The following UGT2B11 variants were observed in gnomAD, a reference collection of about 807,000 sequenced individuals.
UGT2B11 encodes UDP-glucuronosyltransferase 2B11.
A neutral mutation model predicts 51.7 loss-of-function variants in UGT2B11; 49 were observed. The ratio of observed to expected loss-of-function variants is 0.95; its 90% CI spans 0.75 to 1.20. The LOEUF (loss-of-function observed/expected upper bound fraction) is 1.20, where lower values mean the gene tolerates loss of function less well. UGT2B11 is among the 50% of genes most tolerant of loss of function. UGT2B11 has a pLI of 0.00. For missense variants in UGT2B11, 810 were observed against 622.1 expected, an observed-to-expected ratio of 1.30 and a Z score of -3.21; for synonymous variants, 273 against 209.0, an observed-to-expected ratio of 1.31 and a Z score of -2.64.
At chr4:69,213,947 C>T in intron 1 of UGT2B11, 55 bp downstream of exon 1, 2 of 1,499,696 alleles carry the variant, frequency 1.3e-6, no homozygotes, top group East Asian at 4.6e-5. Context: ...AAAAGCTCTG[C>T]TTCAAAGACA....
At chr4:69,211,623 C>T (rs757659733) in intron 2 of UGT2B11, among the ~76,000 whole-genome samples, 18 of 151,456 alleles carry the variant, frequency 1.2e-4, no homozygotes, top group Non-Finnish European at 2.4e-4. Flanking sequence ...ATTTTTTCCA[C>T]ACAACACAAT....
At position 69,214,454 on chromosome 4, in the gene UGT2B11, A is replaced by T. The variant is rs1449498875; in HGVS notation, c.269T>A (p.Ile90Asn). 2.5e-6 allele frequency: 4 copies of T among 1,613,144 alleles called. No individual in the cohort carries two copies. Among genetic ancestry groups the T allele is most frequent in the Non-Finnish European group, 3.4e-6 (4 of 1,179,514 alleles). ...SLTKTEFENI[I>N]MQQVKRWSDI... is the part of the protein sequence containing the mutation. ...TGACCATCTCTTAACCTGTTGCATG[A>T]TGATATTCTCAAATTCAGTTTTAGT... Residue 90 changes from isoleucine (I) to asparagine (N), a missense_variant, in exon 1 of 6, where the codon ATC becomes AAC. By Grantham distance (149) the Ile-to-Asn change is moderately radical. Coordinates refer to ENST00000446444, the MANE Select transcript of UGT2B11 (RefSeq NM_001073.3).
intron 2 of UGT2B11, among the ~76,000 whole-genome samples, chr4:69,210,277 A>T (rs1254208719): frequency 6.6e-6 from 1 of 151,618 alleles, no homozygotes; most frequent in African/African-American, 2.4e-5. Context: ...AATATTTTCC[A>T]TAAGGTTTAA....
intron 4 of UGT2B11, among the ~76,000 whole-genome samples, 175 bp from the exon 5 acceptor site, chr4:69,204,824 G>A (rs931588674): frequency 3.3e-5 from 5 of 151,732 alleles, no homozygotes; most frequent in South Asian, 2.1e-4. Flanking sequence ...TGAAAGCTAT[G>A]TGGTGTGTGT....
chr4:69,224,812 G>A, the UGT2B11 span, among the ~76,000 whole-genome samples: 14 of 151,614 alleles, frequency 9.2e-5, no homozygotes, highest in Admixed American at 8.5e-4. Flanking sequence ...CTTCCACAGC[G>A]TGGAAGGGGT....
At chr4:69,219,748 A>C (rs1254723798), upstream of UGT2B11, among the ~76,000 whole-genome samples, 1 of 152,130 alleles carries the variant, frequency 6.6e-6, no homozygotes, top group Non-Finnish European at 1.5e-5. Context: ...GCATGGGAAA[A>C]ATGCGCTACA....
Position 69,204,507 on chromosome 4 carries a change from T to C in UGT2B11, c.1233A>G (p.Ala411=), listed in dbSNP as rs751745327. The C allele has an allele frequency of 7.4e-6, 12 of 1,612,218 alleles. No homozygotes were observed. Among genetic ancestry groups the C allele is most frequent in the Middle Eastern group, 1.6e-4 (1 of 6,068 alleles). The change falls in exon 5 of 6, where the codon GCA becomes GCG. Residue 411 remains alanine, a synonymous_variant. Transcript: ENST00000446444. ...TTGTGTTGAAGTCCAATCTAACAGC[T>C]GCTCCCTTGGCCTTCATGTGAGCAA... is the stretch of plus-strand genomic sequence containing the variant. The part of the protein sequence containing the change: ...DNIAHMKAKG[A]AVRLDFNTMS...
At chr4:69,219,370 A>G (rs752827588), upstream of UGT2B11, among the ~76,000 whole-genome samples, 4 of 152,140 alleles carry the variant, frequency 2.6e-5, no homozygotes, top group Admixed American at 6.6e-5. Context: ...ATAGTTTACA[A>G]TTATATTCGC....
Position 69,204,436 on chromosome 4 carries a change from T to G in UGT2B11, c.1304A>C (p.Asp435Ala), listed in dbSNP as rs373187026. Residue 435 changes from aspartate to alanine, a missense_variant, in exon 5 of 6, where the codon GAT becomes GCT. By Grantham distance (126) the Asp-to-Ala change is moderately radical. Transcript: ENST00000446444. ...AAAACATTGTTCTACTCACAAAGGA[T>G]CATTAATTACTGTCTTCAGTGCATT... ...LLNALKTVIN[D>A]PLYKENIMKL... The G allele has an allele frequency of 4.3e-6, 7 of 1,611,664 alleles. No individual in the cohort carries two copies. Among genetic ancestry groups the G allele is most frequent in the Non-Finnish European group, 5.9e-6 (7 of 1,178,440 alleles).
intron 2 of UGT2B11, among the ~76,000 whole-genome samples, chr4:69,208,984 G>T (rs180850808): frequency 1.3e-5 from 2 of 151,652 alleles, no homozygotes; most frequent in African/African-American, 4.8e-5. Flanking sequence ...ATTCACAGTT[G>T]GGATAATTTT....
the UGT2B11 span, among the ~76,000 whole-genome samples, chr4:69,220,288 T>C: frequency 6.6e-6 from 1 of 152,012 alleles, no homozygotes; most frequent in Non-Finnish European, 1.5e-5. Context: ...AGGGTACAGG[T>C]CTCCTCTTGG....
chr4:69,202,228 G>A (rs927202932), intron 5 of UGT2B11, among the ~76,000 whole-genome samples: 2 of 151,606 alleles, frequency 1.3e-5, no homozygotes, highest in African/African-American at 4.8e-5. Flanking sequence ...TGATAATTCT[G>A]TCACGAACAC....
At chr4:69,220,869 A>T in the UGT2B11 span, among the ~76,000 whole-genome samples, 1 of 152,134 alleles carries the variant, frequency 6.6e-6, no homozygotes, top group African/African-American at 2.4e-5. Context: ...TTGAAGGACT[A>T]CCACAGTTAG....
chr4:69,224,478 C>A, the UGT2B11 span, among the ~76,000 whole-genome samples: 1 of 152,076 alleles, frequency 6.6e-6, no homozygotes, highest in Non-Finnish European at 1.5e-5. Flanking sequence ...AGCCTGACAC[C>A]GGTGTCTTTA....
intron 1 of UGT2B11, among the ~76,000 whole-genome samples, chr4:69,213,478 C>T (rs1383481978): frequency 2.0e-5 from 3 of 151,650 alleles, no homozygotes; most frequent in Non-Finnish European, 4.4e-5. Flanking sequence ...AACTTCAAAT[C>T]ACCCTTATTG....
intron 2 of UGT2B11, among the ~76,000 whole-genome samples, chr4:69,212,161 T>G (rs1431728688): frequency 6.6e-6 from 1 of 151,678 alleles, no homozygotes; most frequent in Non-Finnish European, 1.5e-5. Context: ...ACATTTTCAT[T>G]AATTACTTTT....
At chr4:69,208,622 A>C in intron 2 of UGT2B11, 140 bp from the exon 3 acceptor site, 1 of 1,456,186 alleles carries the variant, frequency 6.9e-7, no homozygotes, top group Non-Finnish European at 9.2e-7. Context: ...TAACTGAATC[A>C]TTCAGTTTCT....
At chr4:69,217,329 C>A (rs1325351196), upstream of UGT2B11, among the ~76,000 whole-genome samples, 1 of 152,064 alleles carries the variant, frequency 6.6e-6, no homozygotes, top group Non-Finnish European at 1.5e-5. Context: ...TGTTTTTATT[C>A]TATTAATAAT....
intron 4 of UGT2B11, among the ~76,000 whole-genome samples, chr4:69,204,940 T>G (rs181067923): frequency 2.2e-4 from 34 of 151,806 alleles, no homozygotes; most frequent in Admixed American, 2.6e-4. Flanking sequence ...GAGATGGGCA[T>G]GAAATAAAGT....
Sources: gnomAD v4.1 joint callset for allele counts (sites outside exome capture counted in the v4.1 genomes callset) on GRCh38, gnomAD v4.1.1 for gene constraint, MANE v1.5 for transcripts, NCBI Gene and HGNC (gene_info 2026-07-23, HGNC 2026-07-21) for gene names.